The following TNRC18 variants were observed in gnomAD, a reference collection of about 807,000 sequenced individuals.
TNRC18 encodes trinucleotide repeat containing 18.
Under a neutral mutation model 226.7 loss-of-function variants are expected in TNRC18, and 69 were observed. The observed-to-expected ratio is 0.30, with a 90% confidence interval of 0.25 to 0.37. TNRC18 has a LOEUF of 0.37. Among genes scored for constraint, TNRC18 ranks in the 10% least tolerant of loss-of-function variants. The pLI, the probability that TNRC18 is intolerant of heterozygous loss-of-function variation, is 1.00. For missense variants in TNRC18, 4,754 were observed against 4,256.6 expected (o/e 1.12, Z -3.25); for synonymous variants, 2,449 against 1,927.6 (o/e 1.27, Z -7.09).
Position 5,421,044 on chromosome 7 carries a change from G to T in TNRC18, c.187+16C>A. On this transcript the variant is annotated intron_variant, in intron 2 of 29. Coordinates refer to ENST00000430969, the MANE Select transcript of TNRC18 (RefSeq NM_001080495.3). ...TGGGAAGACAGGAGGGGACGGGCAC[G>T]GCGCGGGGCACTTACCCGGGTGCGG... 6.5e-7 allele frequency: 1 copy of T among 1,527,938 alleles called. No individual in the cohort carries two copies. Among genetic ancestry groups the T allele is most frequent in the South Asian group, 1.2e-5 (1 of 83,328 alleles). 94.6% of individuals were successfully genotyped at this position (1,527,938 alleles called of 1,614,324 possible). A position where few individuals can be genotyped will look rare whatever the true frequency, so the allele number is the denominator to read the frequency against.
At chr7:5,420,350 T>C (rs1382074562) in intron 2 of TNRC18, 2 of 455,886 alleles carry the variant, frequency 4.4e-6, no homozygotes. Flanking sequence ...GGGACCGCGA[T>C]GGTCCGGTTT....
intron 22 of TNRC18, among the ~76,000 whole-genome samples, chr7:5,320,868 C>T (rs976927036): frequency 2.6e-5 from 4 of 152,252 alleles, no homozygotes; most frequent in South Asian, 2.1e-4. Context: ...GGAGCAGCCG[C>T]GCCCAGCCCC....
chr7:5,347,495 C>A (rs551846494), intron 17 of TNRC18, among the ~76,000 whole-genome samples: 9 of 151,686 alleles, frequency 5.9e-5, no homozygotes, highest in African/African-American at 1.5e-4. Context: ...CACACCCAGC[C>A]CCCCCGCAAA....
In TNRC18 at chr7:5,321,190, G is replaced by C; in HGVS notation, c.6443C>G (p.Ala2148Gly). 1 of 1,541,108 alleles carries C rather than the reference G, an allele frequency of 6.5e-7. No individual in the cohort carries two copies. The highest frequency in any genetic ancestry group is 8.8e-7 in the Non-Finnish European group (1 of 1,140,570). Residue 2148 changes from alanine (A) to glycine (G), a missense_variant and splice_region_variant, in exon 22 of 30, where the codon GCC becomes GGC. Coordinates refer to ENST00000430969, the MANE Select transcript of TNRC18 (RefSeq NM_001080495.3). The stretch of plus-strand genomic sequence containing the variant: ...CTTGTCGATGATGCAGGAGCGAGGG[G>C]CTGCAGGGGTTGGATCGTGAGGCGA... ...GGAVERPLTP[A>G]PRSCIIDKDE...
At chr7:5,355,080 T>C (rs1336534821) in intron 16 of TNRC18, among the ~76,000 whole-genome samples, 2 of 152,122 alleles carry the variant, frequency 1.3e-5, no homozygotes, top group East Asian at 3.9e-4. Context: ...CAAACACCAC[T>C]GACACTGACA....
chr7:5,416,538 A>G (rs1194028340), intron 2 of TNRC18, among the ~76,000 whole-genome samples: 1 of 152,006 alleles, frequency 6.6e-6, no homozygotes, highest in South Asian at 2.1e-4. Flanking sequence ...TGGACAACAT[A>G]GGGAGACCCT....
intron 18 of TNRC18, among the ~76,000 whole-genome samples, chr7:5,338,677 T>C (rs1038715474): frequency 4.7e-5 from 7 of 150,014 alleles, no homozygotes; most frequent in African/African-American, 7.4e-5. Flanking sequence ...TCCCAGCATT[T>C]TGGGAGGCCA....
At chr7:5,368,315 A>AAT (rs1345804186) in intron 11 of TNRC18, among the ~76,000 whole-genome samples, 1 of 151,658 alleles carries the variant, frequency 6.6e-6, no homozygotes, top group African/African-American at 2.4e-5. Context: ...TTTTGTAAAA[A>AAT]AAAAAAAAAA....
At chr7:5,402,489 C>T (rs1288867942) in intron 2 of TNRC18, among the ~76,000 whole-genome samples, 1 of 151,008 alleles carries the variant, frequency 6.6e-6, no homozygotes, top group East Asian at 2.0e-4. Context: ...GAGCCGAGAT[C>T]GCGCCACCAC....
chr7:5,370,554 G>A lies in TNRC18; in HGVS notation c.4040C>T (p.Ala1347Val), dbSNP rs1369482369. ...DPLAGMNALA[A>V]AAELPQARPL... ...CCTGGCCTGGGGCAGCTCCGCAGCT[G>A]CCGCCAGGGCGTTCATGCCAGCCAG... Residue 1347 changes from alanine (A) to valine (V), a missense_variant, in exon 11 of 30, where the codon GCA becomes GTA. Coordinates refer to ENST00000430969, the MANE Select transcript of TNRC18 (RefSeq NM_001080495.3). 6.2e-7 allele frequency: 1 copy of A among 1,609,660 alleles called. No individual in the cohort carries two copies. The highest frequency in any genetic ancestry group is 1.7e-5 in the Admixed American group (1 of 59,416).
At chr7:5,349,893 G>A (rs1355407722) in intron 17 of TNRC18, among the ~76,000 whole-genome samples, 1 of 152,168 alleles carries the variant, frequency 6.6e-6, no homozygotes, top group African/African-American at 2.4e-5. Context: ...GGCGGGGGTG[G>A]AGGGGGGCAC....
intron 18 of TNRC18, among the ~76,000 whole-genome samples, chr7:5,339,054 T>C (rs557559150): frequency 9.9e-5 from 15 of 151,888 alleles, no homozygotes; most frequent in Admixed American, 7.2e-4. Context: ...TCCCAGCACT[T>C]TGGGAGGCCA....
chr7:5,368,535 G>C (rs764573628), intron 11 of TNRC18, among the ~76,000 whole-genome samples: 10 of 151,608 alleles, frequency 6.6e-5, no homozygotes, highest in Non-Finnish European at 1.0e-4. Context: ...ATGGTGGTGC[G>C]TGCCTGTAAT....
chr7:5,359,281 C>A, intron 15 of TNRC18, 117 bp downstream of exon 15: 1 of 1,067,398 alleles, frequency 9.4e-7, no homozygotes, highest in Non-Finnish European at 1.4e-6. Context: ...TGAAGACAAC[C>A]ACTTCTAAGG....
chr7:5,348,671 GC>G (rs1791462253), intron 17 of TNRC18, among the ~76,000 whole-genome samples: 1 of 151,944 alleles, frequency 6.6e-6, no homozygotes, highest in Non-Finnish European at 1.5e-5. Context: ...AGGGAGGGAG[GC>G]AGGAGCCAGA....
At chr7:5,352,181 G>A (rs1002629240) in intron 16 of TNRC18, 87 bp from the exon 17 acceptor site, 55 of 1,363,814 alleles carry the variant, frequency 4.0e-5, no homozygotes, top group East Asian at 2.5e-4. Flanking sequence ...TTCTGAGAAC[G>A]TACTGGAAGG....
At chr7:5,356,283 C>G (rs1212865317) in intron 16 of TNRC18, among the ~76,000 whole-genome samples, 2 of 152,102 alleles carry the variant, frequency 1.3e-5, no homozygotes, top group Non-Finnish European at 2.9e-5. Context: ...TCTCCGCACC[C>G]GAGCGCACAC....
chr7:5,401,706 T>C (rs7796835), intron 2 of TNRC18, among the ~76,000 whole-genome samples: 131,248 of 152,260 alleles, frequency 0.86, 57,056 homozygotes, highest in East Asian at 1. Context: ...CACATTTGGC[T>C]AGACTGCTCA....
intron 11 of TNRC18, among the ~76,000 whole-genome samples, chr7:5,368,285 G>A (rs973168687): frequency 8.6e-5 from 13 of 150,408 alleles, no homozygotes; most frequent in African/African-American, 2.9e-4. Flanking sequence ...TGGCCAACAT[G>A]GCGAAACCCC....
Sources: allele counts gnomAD v4.1 joint callset (sites outside exome capture counted in the v4.1 genomes callset), GRCh38; gene constraint gnomAD v4.1.1; transcripts MANE v1.5; gene names NCBI Gene and HGNC (gene_info 2026-07-23, HGNC 2026-07-21).